The following CLASP2 variants were observed in gnomAD, a reference collection of about 807,000 sequenced individuals.
CLASP2 encodes the protein cytoplasmic linker associated protein 2, also known as CLIP-associating protein 2.
A neutral mutation model predicts 194.4 loss-of-function variants in CLASP2; 47 were observed. The observed-to-expected ratio is 0.24, with a 90% CI of 0.19 to 0.31. The LOEUF is 0.31. CLASP2 is among the 10% of genes least tolerant of loss of function. The pLI, the probability that CLASP2 is intolerant of heterozygous loss-of-function variation, is 1.00. For synonymous variants in CLASP2, 619 were observed against 633.5 expected (o/e 0.98, Z 0.34); for missense variants, 1,445 against 1,823.6 (o/e 0.79, Z 3.78).
chr3:33,507,286 C>T (rs896159654), intron 37 of CLASP2, among the ~76,000 whole-genome samples: 3 of 152,082 alleles, frequency 2.0e-5, no homozygotes, highest in Non-Finnish European at 4.4e-5. Flanking sequence ...CCTCCTCTTC[C>T]TCTTTCTTCA....
At chr3:33,603,654 G>A (rs1249022933) in intron 17 of CLASP2, among the ~76,000 whole-genome samples, 3 of 151,810 alleles carry the variant, frequency 2.0e-5, no homozygotes, top group Non-Finnish European at 2.9e-5. Flanking sequence ...ACAAAGTCTC[G>A]CTCTGTCACC....
At chr3:33,708,744 T>C (rs1199398622) in intron 1 of CLASP2, among the ~76,000 whole-genome samples, 3 of 151,976 alleles carry the variant, frequency 2.0e-5, no homozygotes, top group African/African-American at 7.2e-5. Flanking sequence ...ACATGGTAGT[T>C]CTATTTTTAA....
chr3:33,662,226 G>A (rs1575392354), intron 7 of CLASP2, among the ~76,000 whole-genome samples: 2 of 152,248 alleles, frequency 1.3e-5, no homozygotes, highest in East Asian at 3.9e-4. Context: ...CCATACCCAA[G>A]CAATGAATAC....
intron 37 of CLASP2, among the ~76,000 whole-genome samples, chr3:33,507,653 T>A (rs571207353): frequency 3.1e-4 from 47 of 152,224 alleles, no homozygotes; most frequent in African/African-American, 1.1e-3. Flanking sequence ...GGCTAATTTT[T>A]AAAATTTTTT....
At chr3:33,554,562 G>A (rs2060597363) in intron 29 of CLASP2, 1 of 152,296 alleles carries the variant, frequency 6.6e-6, no homozygotes, top group Non-Finnish European at 1.5e-5. Flanking sequence ...ATAAGTTTAA[G>A]AGATTTGATT....
chr3:33,570,045 G>A (rs2063459859), intron 26 of CLASP2, among the ~76,000 whole-genome samples: 2 of 152,260 alleles, frequency 1.3e-5, no homozygotes, highest in South Asian at 4.1e-4. Context: ...GGTATCCTAA[G>A]GGAAGATTTC....
chr3:33,520,408 A>ATGTG (rs2052656945), intron 34 of CLASP2, among the ~76,000 whole-genome samples: 1 of 152,264 alleles, frequency 6.6e-6, no homozygotes, highest in African/African-American at 2.4e-5. Context: ...AGGCATTAGT[A>ATGTG]CACAGATTCC....
chr3:33,592,382 A>T lies in CLASP2; in HGVS notation c.2068+13T>A. 6.4e-7 allele frequency: 1 copy of T among 1,571,716 alleles called. No homozygotes were observed. The highest frequency in any genetic ancestry group is 8.8e-7 in the Non-Finnish European group (1 of 1,142,706). Reference sequence around the variant, plus strand: ...TAGTGACAAATATAGGAGGGCTGATAAGCAATACATACGCTGTGATTGAGA... The same window carrying T: ...TAGTGACAAATATAGGAGGGCTGATTAGCAATACATACGCTGTGATTGAGA... On this transcript the variant is annotated intron_variant, in intron 21 of 38. Transcript: ENST00000682230.
rs1402228946 is a variant in CLASP2 at position 33,611,998 on chromosome 3, T to C, written c.1388+3A>G. 1 of 1,598,158 alleles carries C rather than the reference T, an allele frequency of 6.3e-7. No individual in the cohort carries two copies. Among genetic ancestry groups the C allele is most frequent in the African/African-American group, 1.3e-5 (1 of 74,652 alleles). ...AACAACAACAACAAAAAATTAAACTTACCTCCTCACGGGAACTGATTTTGA... is the reference window on the plus strand; with the variant it reads ...AACAACAACAACAAAAAATTAAACTCACCTCCTCACGGGAACTGATTTTGA... On this transcript the variant is annotated splice_donor_region_variant and intron_variant, in intron 13 of 38. Transcript: ENST00000682230.
At chr3:33,562,945 T>C (rs1047245087) in intron 27 of CLASP2, among the ~76,000 whole-genome samples, 4 of 152,220 alleles carry the variant, frequency 2.6e-5, no homozygotes, top group African/African-American at 9.6e-5. Context: ...ATTATTGTCA[T>C]TCAACATGAA....
At chr3:33,594,086 C>T (rs1347631152) in intron 20 of CLASP2, among the ~76,000 whole-genome samples, 1 of 152,150 alleles carries the variant, frequency 6.6e-6, no homozygotes, top group Non-Finnish European at 1.5e-5. Context: ...TCAACCAATC[C>T]TCCTAGCTCA....
At chr3:33,522,032 T>C (rs2053267071) in intron 34 of CLASP2, among the ~76,000 whole-genome samples, 1 of 152,072 alleles carries the variant, frequency 6.6e-6, no homozygotes, top group Non-Finnish European at 1.5e-5. Context: ...CTTTTTTTTT[T>C]CTTCCAAAGA....
intron 7 of CLASP2, among the ~76,000 whole-genome samples, chr3:33,658,711 C>T (rs2084743839): frequency 6.6e-6 from 1 of 152,114 alleles, no homozygotes; most frequent in Non-Finnish European, 1.5e-5. Flanking sequence ...TCATATCTAC[C>T]ACCAAGACTG....
In CLASP2 at chr3:33,497,558, T is replaced by G. The variant is rs975824201; in HGVS notation, c.*1073A>C. The stretch of plus-strand genomic sequence containing the variant: ...GTATTAGCCCTGAAGAGGTAGAGAA[T>G]TTGAGCCCATTATACAAAGACAGCC... On this transcript the variant is annotated 3_prime_UTR_variant, in exon 39 of 39. Coordinates refer to ENST00000682230, the MANE Select transcript of CLASP2 (RefSeq NM_001365631.1). The G allele has an allele frequency of 2.0e-4, 30 of 152,588 alleles. No homozygotes were observed. The highest frequency in any genetic ancestry group is 7.2e-4 in the African/African-American group (30 of 41,438). 9.5% of individuals were successfully genotyped at this position (152,588 alleles called of 1,614,324 possible). A position where few individuals can be genotyped will look rare whatever the true frequency, so the allele number is the denominator to read the frequency against.
intron 34 of CLASP2, among the ~76,000 whole-genome samples, chr3:33,530,616 G>A (rs1422970949): frequency 2.0e-5 from 3 of 152,178 alleles, no homozygotes; most frequent in South Asian, 2.1e-4. Flanking sequence ...TATCACAAAC[G>A]TGTAATGCAT....
At chr3:33,528,692 G>A (rs2055296488) in intron 34 of CLASP2, among the ~76,000 whole-genome samples, 1 of 152,072 alleles carries the variant, frequency 6.6e-6, no homozygotes. Context: ...AACCCAGGAG[G>A]CAGAGGTTGC....
intron 1 of CLASP2, among the ~76,000 whole-genome samples, chr3:33,701,509 T>C (rs1432815636): frequency 6.6e-6 from 1 of 152,192 alleles, no homozygotes; most frequent in African/African-American, 2.4e-5. Context: ...AGCAGGAGGA[T>C]TGCTTGAGCC....
chr3:33,573,099 A>T lies in CLASP2; in HGVS notation c.2699+11T>A. On this transcript the variant is annotated intron_variant, in intron 25 of 38. Transcript: ENST00000682230. ...CTGATAGTAAAATCATTTTAAGACA[A>T]CGCATCTCACCTTAGTGTTCTCTGA... 1 of 1,612,964 alleles carries T rather than the reference A, an allele frequency of 6.2e-7. No homozygotes were observed. The highest frequency in any genetic ancestry group is 8.5e-7 in the Non-Finnish European group (1 of 1,179,386).
intron 7 of CLASP2, among the ~76,000 whole-genome samples, chr3:33,652,041 T>C (rs549559300): frequency 2.0e-5 from 3 of 152,232 alleles, no homozygotes; most frequent in South Asian, 2.1e-4. Context: ...CCATTTTACA[T>C]GGCAAATAAA....
Sources: gnomAD v4.1 joint callset for allele counts (sites outside exome capture counted in the v4.1 genomes callset) on GRCh38, gnomAD v4.1.1 for gene constraint, MANE v1.5 for transcripts, NCBI Gene and HGNC (gene_info 2026-07-23, HGNC 2026-07-21) for gene names.